The following EGLN1 variants were observed in gnomAD, a reference collection of about 807,000 sequenced individuals.
The protein encoded by EGLN1 is egl nine homolog 1.
In EGLN1, 17 loss-of-function variants were observed where a neutral mutation model predicts 38.3. That is an observed-to-expected ratio of 0.44 (90% CI 0.30 to 0.67). The LOEUF is 0.67. Among genes scored for constraint, EGLN1 ranks in the 30% least tolerant of loss-of-function variants. The pLI is 0.08. For synonymous variants in EGLN1, 283 were observed against 257.5 expected (o/e 1.10, Z -0.95); for missense variants, 477 against 603.3 (o/e 0.79, Z 2.19).
chr1:231,418,884 C>T (rs1656448468), intron 1 of EGLN1, among the ~76,000 whole-genome samples: 1 of 151,628 alleles, frequency 6.6e-6, no homozygotes, highest in African/African-American at 2.4e-5. Context: ...AAAAAATACT[C>T]TGATTGTATC....
At chr1:231,385,215 A>C (rs1688173575) in intron 1 of EGLN1, among the ~76,000 whole-genome samples, 1 of 152,276 alleles carries the variant, frequency 6.6e-6, no homozygotes, top group Non-Finnish European at 1.5e-5. Flanking sequence ...TGAAGACAGC[A>C]TATGGTGCAG....
At chr1:231,394,261 GACCTT>G (rs1220587738) in intron 1 of EGLN1, among the ~76,000 whole-genome samples, 1 of 152,092 alleles carries the variant, frequency 6.6e-6, no homozygotes, top group African/African-American at 2.4e-5. Flanking sequence ...ACCTCACCTG[GACCTT>G]CAGAACTCCT....
At position 231,411,652 on chromosome 1, in the gene EGLN1, T is replaced by C. The variant is rs139836296; in HGVS notation, c.891+9346A>G. Among the ~76,000 whole-genome samples the C allele has an allele frequency of 3.4e-4, 52 of 152,244 alleles. No individual in the cohort carries two copies. The East Asian group carries it at 9.1e-3, about 27-fold the overall frequency. On this transcript the variant is annotated intron_variant, in intron 1 of 4. Transcript: ENST00000366641. Reference sequence around the variant, plus strand: ...GACAATCTAATGTTTACCCATACTTTTGTGACCCTCTCTCACTTTAGAATC... The same window carrying C: ...GACAATCTAATGTTTACCCATACTTCTGTGACCCTCTCTCACTTTAGAATC...
At chr1:231,390,736 G>A (rs933737099) in intron 1 of EGLN1, among the ~76,000 whole-genome samples, 1 of 152,220 alleles carries the variant, frequency 6.6e-6, no homozygotes, top group South Asian at 2.1e-4. Flanking sequence ...ACCGTTTTGA[G>A]GAAAGAAGAG....
In EGLN1 at chr1:231,421,990, C is replaced by T; in HGVS notation, c.-102G>A. 1 of 1,226,894 alleles carries T rather than the reference C, an allele frequency of 8.2e-7. No homozygotes were observed. The highest frequency in any genetic ancestry group is 2.3e-5 in the South Asian group (1 of 43,984). 76.0% of individuals were successfully genotyped at this position (1,226,894 alleles called of 1,614,324 possible). ...TGGGGAGCGGGGAGAGAGATAGGGGCCGTTACTGCGCCATGCACCCGCTAC... is the reference window on the plus strand; with the variant it reads ...TGGGGAGCGGGGAGAGAGATAGGGGTCGTTACTGCGCCATGCACCCGCTAC... On this transcript the variant is annotated 5_prime_UTR_variant, in exon 1 of 5. Coordinates refer to ENST00000366641, the MANE Select transcript of EGLN1 (RefSeq NM_022051.3). The surrounding 1 kb of genome is among the most constrained non-coding windows in gnomAD (Gnocchi z 5.5).
intron 3 of EGLN1, among the ~76,000 whole-genome samples, chr1:231,369,085 A>G (rs537317789): frequency 1.2e-4 from 19 of 152,238 alleles, no homozygotes; most frequent in Admixed American, 2.6e-4. Context: ...CCCATTCTAG[A>G]TAAGATCAGA....
chr1:231,418,521 A>T (rs1227482369), intron 1 of EGLN1, among the ~76,000 whole-genome samples: 4 of 152,196 alleles, frequency 2.6e-5, no homozygotes, highest in African/African-American at 9.7e-5. Context: ...GTCTGAGCTG[A>T]AAATCCCTCA....
chr1:231,407,483 G>A (rs1043054204), intron 1 of EGLN1, among the ~76,000 whole-genome samples: 2 of 152,086 alleles, frequency 1.3e-5, no homozygotes, highest in South Asian at 2.1e-4. Context: ...GCACATCAAC[G>A]TGGTATCAAT....
chr1:231,392,944 C>A (rs1688430327), intron 1 of EGLN1, among the ~76,000 whole-genome samples: 1 of 152,206 alleles, frequency 6.6e-6, no homozygotes, highest in Non-Finnish European at 1.5e-5. Context: ...TCACTCTCTA[C>A]CCTCCAGGGT....
intron 1 of EGLN1, among the ~76,000 whole-genome samples, chr1:231,414,416 G>A (rs1689023708): frequency 1.3e-5 from 2 of 152,150 alleles, no homozygotes; most frequent in African/African-American, 2.4e-5. Flanking sequence ...TTTCAAGCCT[G>A]ATGGGAGAGA....
intron 1 of EGLN1, among the ~76,000 whole-genome samples, chr1:231,378,173 A>G (rs974494136): frequency 6.6e-6 from 1 of 152,138 alleles, no homozygotes; most frequent in Non-Finnish European, 1.5e-5. Context: ...TGCCAACCCA[A>G]TTAACTTGCC....
chr1:231,416,942 T>C (rs1013191062), intron 1 of EGLN1, among the ~76,000 whole-genome samples: 4 of 152,240 alleles, frequency 2.6e-5, no homozygotes, highest in Admixed American at 1.3e-4. Flanking sequence ...TTGTGTATCC[T>C]GGATCCCAAG....
intron 1 of EGLN1, among the ~76,000 whole-genome samples, chr1:231,393,124 A>C (rs980815504): frequency 2.0e-5 from 3 of 152,192 alleles, no homozygotes; most frequent in Non-Finnish European, 4.4e-5. Flanking sequence ...TCTTGTTGTC[A>C]TATCAGGGAG....
chr1:231,379,794 T>C lies in EGLN1; in HGVS notation c.892-5695A>G, dbSNP rs181794998. 1.5e-4 allele frequency among the ~76,000 whole-genome samples: 23 copies of C among 152,358 alleles called. No individual in the cohort carries two copies. The East Asian group carries it at 4.2e-3, about 28-fold the overall frequency. ...CACAGACATTGGCCTCGGCCAGGAA[T>C]TGATTCTTTATCCCTCATCAACATT... On this transcript the variant is annotated intron_variant, in intron 1 of 4. Coordinates refer to ENST00000366641, the MANE Select transcript of EGLN1 (RefSeq NM_022051.3).
At chr1:231,382,931 G>A (rs1040031749) in intron 1 of EGLN1, among the ~76,000 whole-genome samples, 1 of 151,778 alleles carries the variant, frequency 6.6e-6, no homozygotes, top group Non-Finnish European at 1.5e-5. Flanking sequence ...GGTGGCACAC[G>A]CCTGTAATCC....
At chr1:231,420,413 G>C (rs941098853) in intron 1 of EGLN1, 1 of 166,590 alleles carries the variant, frequency 6.0e-6, no homozygotes, top group Non-Finnish European at 1.3e-5. Context: ...TGAGGGATAA[G>C]AGCTATAACA....
intron 1 of EGLN1, among the ~76,000 whole-genome samples, chr1:231,409,971 G>C (rs1688893854): frequency 6.6e-6 from 1 of 152,124 alleles, no homozygotes; most frequent in Non-Finnish European, 1.5e-5. Context: ...GCTTCCATGA[G>C]CGCATAAGAT....
chr1:231,412,060 G>A (rs1356991142), intron 1 of EGLN1, among the ~76,000 whole-genome samples: 1 of 118,556 alleles, frequency 8.4e-6, no homozygotes, highest in Non-Finnish European at 1.7e-5. Context: ...GGCCTGGATA[G>A]TATATTCTAA....
chr1:231,374,063 A>G lies in EGLN1; in HGVS notation c.928T>C (p.Tyr310His). ...VACYPGNGTG[Y>H]VRHVDNPNGD... The stretch of plus-strand genomic sequence containing the variant: ...TTTGGATTATCAACATGACGTACAT[A>G]ACCCGTTCCATTGCCCGGATAACAA... Residue 310 changes from tyrosine to histidine, a missense_variant, in exon 2 of 5, where the codon TAT becomes CAT. Transcript: ENST00000366641. 6.2e-7 allele frequency: 1 copy of G among 1,613,750 alleles called. No individual in the cohort carries two copies. The highest frequency in any genetic ancestry group is 8.5e-7 in the Non-Finnish European group (1 of 1,179,668).
Sources: allele counts gnomAD v4.1 joint callset (sites outside exome capture counted in the v4.1 genomes callset), GRCh38; gene constraint gnomAD v4.1.1; non-coding constraint Gnocchi (gnomAD v3.1); transcripts MANE v1.5; gene names NCBI Gene and HGNC (gene_info 2026-07-23, HGNC 2026-07-21).